RREB1: variants seen among roughly 807,000 people sequenced by gnomAD.
RREB1 encodes ras responsive element binding protein 1.
RREB1 carries 27 observed loss-of-function variants against 117.8 expected under a neutral mutation model. That is an observed-to-expected ratio of 0.23 (90% CI 0.17 to 0.32). RREB1 has a LOEUF of 0.32. RREB1 is among the 10% of genes least tolerant of loss of function. The probability of loss-of-function intolerance (pLI) is 1.00; values close to 1 mark genes in which losing one functional copy is unlikely to be tolerated. For synonymous variants in RREB1, 1,298 were observed against 1,026.7 expected, an observed-to-expected ratio of 1.26 and a Z score of -5.05; for missense variants, 2,577 against 2,378.2, an observed-to-expected ratio of 1.08 and a Z score of -1.74.
intron 1 of RREB1, among the ~76,000 whole-genome samples, chr6:7,172,629 G>A (rs914302831): frequency 6.6e-6 from 1 of 151,982 alleles, no homozygotes; most frequent in South Asian, 2.1e-4. Context: ...GCCCCATGGT[G>A]TAGGGGCCTG....
At chr6:7,150,098 A>G (rs1763049793) in intron 1 of RREB1, among the ~76,000 whole-genome samples, 1 of 151,666 alleles carries the variant, frequency 6.6e-6, no homozygotes, top group Non-Finnish European at 1.5e-5. Flanking sequence ...CCATGGTGCT[A>G]TACCAGACTC....
At position 7,246,918 on chromosome 6, in the gene RREB1, C is replaced by T. The variant is rs1037153192; in HGVS notation, c.4468C>T (p.Pro1490Ser). 1.2e-5 allele frequency: 18 copies of T among 1,554,396 alleles called. No homozygotes were observed. In the East Asian group the frequency reaches 4.1e-4, roughly 36 times the overall value. ...GDGASTAEEGPQPAPEQEEKP... is the reference protein window; with the variant it reads ...GDGASTAEEGSQPAPEQEEKP... Reference sequence around the variant, plus strand: ...TGGCGCCAGCACTGCAGAGGAGGGGCCCCAGCCCGCCCCTGAACAGGAGGA... The same window carrying T: ...TGGCGCCAGCACTGCAGAGGAGGGGTCCCAGCCCGCCCCTGAACAGGAGGA... Residue 1490 changes from proline to serine, a missense_variant, in exon 12 of 13, where the codon CCC becomes TCC. Pro to Ser is a moderately conservative substitution (Grantham distance 74). Coordinates refer to ENST00000379938, the MANE Select transcript of RREB1 (RefSeq NM_001003699.4).
At chr6:7,207,372 C>T (rs1766336234) in intron 6 of RREB1, among the ~76,000 whole-genome samples, 2 of 152,224 alleles carry the variant, frequency 1.3e-5, no homozygotes, top group Admixed American at 1.3e-4. Context: ...CTGAACCACA[C>T]CAACACCGCA....
At chr6:7,179,790 AAC>A (rs1281338339) in intron 2 of RREB1, among the ~76,000 whole-genome samples, 1 of 146,072 alleles carries the variant, frequency 6.8e-6, no homozygotes, top group African/African-American at 2.7e-5. Context: ...GAAAGTTTGA[AAC>A]ACAGTTTTTT....
intron 11 of RREB1, among the ~76,000 whole-genome samples, chr6:7,245,785 T>G (rs569260596): frequency 3.3e-5 from 5 of 152,226 alleles, no homozygotes; most frequent in African/African-American, 9.6e-5. Context: ...GCCCTTCCTT[T>G]GAAAGATTCC....
At chr6:7,193,325 C>T (rs1765505874) in intron 6 of RREB1, among the ~76,000 whole-genome samples, 1 of 152,158 alleles carries the variant, frequency 6.6e-6, no homozygotes, top group Non-Finnish European at 1.5e-5. Context: ...GTGGAGTGTT[C>T]TGTAGATTTG....
Position 7,231,264 on chromosome 6 carries a change from G to GC in RREB1, c.3171dup (p.Val1058ArgfsTer40), listed in dbSNP as rs770752229. The GC allele has an allele frequency of 1.2e-6, 2 of 1,611,834 alleles. No individual in the cohort carries two copies. On this transcript the variant is annotated frameshift_variant, in exon 10 of 13. Coordinates refer to ENST00000379938, the MANE Select transcript of RREB1 (RefSeq NM_001003699.4). LOFTEE classifies it high-confidence loss of function. ...CCAAGCCCCCGCTGCTTTTGCCAAA[G>GC]CCCCCCGTGACAGAAGAGCTGCCCC...
chr6:7,125,446 G>C (rs183640519), intron 1 of RREB1, among the ~76,000 whole-genome samples: 14 of 152,204 alleles, frequency 9.2e-5, no homozygotes, highest in African/African-American at 3.1e-4. Flanking sequence ...TGTGGTTAAT[G>C]GGGGGGCCTC....
intron 1 of RREB1, among the ~76,000 whole-genome samples, chr6:7,135,712 G>C (rs1400953585): frequency 2.0e-5 from 3 of 152,174 alleles, no homozygotes; most frequent in African/African-American, 7.2e-5. Flanking sequence ...TTCCGTTTAA[G>C]TTTTATGTGC....
intron 1 of RREB1, among the ~76,000 whole-genome samples, chr6:7,119,774 T>C (rs1761589287): frequency 6.6e-6 from 1 of 152,068 alleles, no homozygotes. Context: ...CTACCCAGAG[T>C]TGAGAATAGA....
chr6:7,239,659 C>T (rs964396834), intron 10 of RREB1, among the ~76,000 whole-genome samples: 2 of 152,236 alleles, frequency 1.3e-5, no homozygotes, highest in Admixed American at 6.5e-5. Flanking sequence ...CCAAAATGTC[C>T]TCTTCACATG....
chr6:7,251,660 G>A lies in RREB1; in HGVS notation c.*2692G>A, dbSNP rs1008243029. 4 of 152,064 alleles carry A rather than the reference G, an allele frequency of 2.6e-5. No individual in the cohort carries two copies. Among genetic ancestry groups the A allele is most frequent in the African/African-American group, 7.2e-5 (3 of 41,388 alleles). 9.4% of individuals were successfully genotyped at this position (152,064 alleles called of 1,614,324 possible). Reference sequence around the variant, plus strand: ...GCCAGTTTTGGAAGATTCACCATGCGTTCTGACCCTCTGTTCGTCTCTTTC... The same window carrying A: ...GCCAGTTTTGGAAGATTCACCATGCATTCTGACCCTCTGTTCGTCTCTTTC... On this transcript the variant is annotated 3_prime_UTR_variant, in exon 13 of 13. Transcript: ENST00000379938.
Position 7,231,354 on chromosome 6 carries a change from G to A in RREB1, c.3255G>A (p.Lys1085=). 5.0e-6 allele frequency: 8 copies of A among 1,612,710 alleles called. No homozygotes were observed. The highest frequency in any genetic ancestry group is 6.8e-6 in the Non-Finnish European group (8 of 1,179,382). ...VSSAPTLLKT[K]VADPGPASTG... ...CGGCCCCCACCCTGCTGAAAACCAA[G>A]GTGGCGGACCCAGGGCCCGCAAGCA... is the stretch of plus-strand genomic sequence containing the variant. The change falls in exon 10 of 13, where the codon AAG becomes AAA. Residue 1085 remains lysine (K), a synonymous_variant. Transcript: ENST00000379938.
intron 1 of RREB1, among the ~76,000 whole-genome samples, chr6:7,115,294 A>G (rs1443869007): frequency 6.6e-6 from 1 of 152,066 alleles, no homozygotes; most frequent in Non-Finnish European, 1.5e-5. Context: ...AATGTCTAAT[A>G]TAGTGTCAGG....
intron 8 of RREB1, among the ~76,000 whole-genome samples, chr6:7,223,982 C>G (rs1262116675): frequency 6.6e-6 from 1 of 151,944 alleles, no homozygotes; most frequent in Non-Finnish European, 1.5e-5. Flanking sequence ...AAAGAATAGT[C>G]TCTGTGGAAA....
At chr6:7,120,943 C>A (rs1761653901) in intron 1 of RREB1, among the ~76,000 whole-genome samples, 1 of 151,716 alleles carries the variant, frequency 6.6e-6, no homozygotes, top group African/African-American at 2.4e-5. Context: ...CCTGCCTCAG[C>A]CTCTCGAGTA....
chr6:7,229,075 C>A lies in RREB1; in HGVS notation c.976C>A (p.Pro326Thr), dbSNP rs770874252. 1 of 1,586,720 alleles carries A rather than the reference C, an allele frequency of 6.3e-7. No individual in the cohort carries two copies. The highest frequency in any genetic ancestry group is 8.6e-7 in the Non-Finnish European group (1 of 1,161,730). Residue 326 changes from proline to threonine, a missense_variant, in exon 10 of 13, where the codon CCC (proline) becomes ACC (threonine). Physicochemically the swap from Pro to Thr is conservative, Grantham distance 38. Coordinates refer to ENST00000379938, the MANE Select transcript of RREB1 (RefSeq NM_001003699.4). The surrounding 1 kb of genome is among the most constrained non-coding windows in gnomAD (Gnocchi z 4.5). ...FVCDTCDKAF[P>T]MLCSLALHKQ... The stretch of plus-strand genomic sequence containing the variant: ...CTGCGACACCTGTGACAAGGCGTTC[C>A]CCATGCTCTGCTCACTGGCTCTGCA...
intron 1 of RREB1, among the ~76,000 whole-genome samples, chr6:7,146,668 AC>A (rs1057502892): frequency 5.3e-5 from 8 of 152,028 alleles, no homozygotes; most frequent in Non-Finnish European, 8.8e-5. Flanking sequence ...TCACTATAAC[AC>A]ACATTGCAAG....
At chr6:7,147,620 C>G (rs563645537) in intron 1 of RREB1, among the ~76,000 whole-genome samples, 63 of 152,334 alleles carry the variant, frequency 4.1e-4, no homozygotes, top group Non-Finnish European at 7.8e-4. Flanking sequence ...GTGTCCTAAG[C>G]TGATAAGCCC....
Sources: gnomAD v4.1 joint callset for allele counts (sites outside exome capture counted in the v4.1 genomes callset) on GRCh38, gnomAD v4.1.1 for gene constraint, Gnocchi (gnomAD v3.1) non-coding constraint, MANE v1.5 for transcripts, NCBI Gene and HGNC (gene_info 2026-07-23, HGNC 2026-07-21) for gene names.